Variants in TNFRSF19 observed in about 807,000 individuals in gnomAD.
TNFRSF19 encodes the protein tumor necrosis factor receptor superfamily member 19.
In TNFRSF19, 27 loss-of-function variants were observed where a neutral mutation model predicts 46.4. The observed-to-expected ratio is 0.58, with a 90% confidence interval of 0.43 to 0.80. The LOEUF (loss-of-function observed/expected upper bound fraction) is 0.80. Ranked by LOEUF, TNFRSF19 falls within the 30% of genes least tolerant of loss-of-function variation. The pLI, the probability that TNFRSF19 is intolerant of heterozygous loss-of-function variation, is 0.00. For missense variants in TNFRSF19, 511 were observed against 530.8 expected (o/e 0.96, Z 0.37); for synonymous variants, 204 against 205.0 (o/e 1.00, Z 0.04).
chr13:23,622,282 G>T (rs1881718058), intron 4 of TNFRSF19, among the ~76,000 whole-genome samples: 1 of 151,640 alleles, frequency 6.6e-6, no homozygotes, highest in African/African-American at 2.4e-5. Context: ...GTAAACGGGT[G>T]CCTGTAATCC....
In TNFRSF19 at chr13:23,668,982, G is replaced by C; in HGVS notation, c.1130G>C (p.Arg377Thr). Residue 377 changes from arginine to threonine, a missense_variant, in exon 9 of 10, where the codon AGA becomes ACA. Coordinates refer to ENST00000248484, the MANE Select transcript of TNFRSF19 (RefSeq NM_148957.4). ...ENFTAATDLS[R>T]YNNTLVESAS... The stretch of plus-strand genomic sequence containing the variant: ...TTTACAGCAGCTACTGATTTATCTA[G>C]ATATAACAACACACTGGTAGAATCA... The C allele has an allele frequency of 6.2e-7, 1 of 1,614,220 alleles. No homozygotes were observed. Among genetic ancestry groups the C allele is most frequent in the East Asian group, 2.2e-5 (1 of 44,886 alleles).
chr13:23,669,034 G>A lies in TNFRSF19; in HGVS notation c.1182G>A (p.Met394Ile). The A allele has an allele frequency of 1.2e-6, 2 of 1,614,152 alleles. No homozygotes were observed. Among genetic ancestry groups the A allele is most frequent in the Non-Finnish European group, 1.7e-6 (2 of 1,180,016 alleles). The stretch of plus-strand genomic sequence containing the variant: ...CATCAACTCAGGATGCACTAACTAT[G>A]AGAAGCCAGCTAGATCAGGAGAGTG... ...ESASTQDALT[M>I]RSQLDQESGA... The change falls in exon 9 of 10, where the codon ATG (methionine) becomes ATA (isoleucine). Residue 394 changes from methionine (M) to isoleucine (I), a missense_variant. Physicochemically the swap from Met to Ile is conservative, Grantham distance 10 (BLOSUM62 1). Around this residue, in one of 3 missense-constraint regions of TNFRSF19, gnomAD observed 376 missense variants for 372.7 expected, o/e 1.01. Transcript: ENST00000248484.
chr13:23,633,086 A>T (rs917828243), intron 5 of TNFRSF19, among the ~76,000 whole-genome samples: 5 of 148,330 alleles, frequency 3.4e-5, no homozygotes, highest in Admixed American at 2.0e-4. Flanking sequence ...GGGTGCAGGG[A>T]TGATCAAATT....
rs138422959 is a variant in TNFRSF19, at chr13:23,597,640, G to A, written c.180+4185G>A. Among the ~76,000 whole-genome samples, 1,271 of 152,212 alleles carry A rather than the reference G, an allele frequency of 8.4e-3. 26 individuals are homozygous for A. The highest frequency in any genetic ancestry group is 0.076 in the East Asian group (396 of 5,180). ...AACCAAAAAAAGCTCAGGACCAGATGGATTCACAGCCGAATTCTACCAGAG... is the reference window on the plus strand; with the variant it reads ...AACCAAAAAAAGCTCAGGACCAGATAGATTCACAGCCGAATTCTACCAGAG... On this transcript the variant is annotated intron_variant, in intron 3 of 9. Transcript: ENST00000248484.
chr13:23,592,671 A>G (rs1454727708), intron 2 of TNFRSF19, among the ~76,000 whole-genome samples: 1 of 152,218 alleles, frequency 6.6e-6, no homozygotes, highest in Non-Finnish European at 1.5e-5. Flanking sequence ...CACTACTGCC[A>G]TCTTTATCAT....
chr13:23,604,201 A>G (rs572125100), intron 3 of TNFRSF19, among the ~76,000 whole-genome samples: 6 of 152,070 alleles, frequency 3.9e-5, no homozygotes, highest in Non-Finnish European at 8.8e-5. Flanking sequence ...ACTTTCATAT[A>G]TACTGTCAGT....
chr13:23,666,277 C>T lies in TNFRSF19; in HGVS notation c.737-1703C>T, dbSNP rs545807370. The stretch of plus-strand genomic sequence containing the variant: ...TCCTGTCACACCCCAAACTTTCACC[C>T]TGTAGCTTAGCGTGCTCTGATGATT... On this transcript the variant is annotated intron_variant, in intron 7 of 9. Coordinates refer to ENST00000248484, the MANE Select transcript of TNFRSF19 (RefSeq NM_148957.4). 5.9e-5 allele frequency among the ~76,000 whole-genome samples: 9 copies of T among 152,330 alleles called. No homozygotes were observed. In the South Asian group the frequency reaches 1.4e-3, roughly 25 times the overall value.
chr13:23,628,911 A>G (rs529896324), intron 5 of TNFRSF19, among the ~76,000 whole-genome samples: 3 of 152,348 alleles, frequency 2.0e-5, no homozygotes, highest in Admixed American at 6.5e-5. Flanking sequence ...AAAGCAAGAC[A>G]GGCTGGTAGT....
chr13:23,638,026 T>A (rs902553705), intron 5 of TNFRSF19, among the ~76,000 whole-genome samples: 22 of 152,182 alleles, frequency 1.4e-4, no homozygotes, highest in Non-Finnish European at 2.1e-4. Context: ...TGAAGCACAC[T>A]ATTTTTGAGC....
intron 9 of TNFRSF19, among the ~76,000 whole-genome samples, chr13:23,671,991 T>C (rs1259113145): frequency 6.6e-6 from 1 of 152,338 alleles, no homozygotes; most frequent in South Asian, 2.1e-4. Context: ...GGCTCGTTCA[T>C]AGCTCAGGAA....
At chr13:23,669,315 T>G in intron 9 of TNFRSF19, 1 of 1,374,202 alleles carries the variant, frequency 7.3e-7, no homozygotes, top group Non-Finnish European at 9.3e-7. Context: ...AGCTGCATTC[T>G]TTTATTCCTC....
rs1021272283 is a variant in TNFRSF19, at chr13:23,674,092, A to G, written c.*712A>G. The G allele has an allele frequency of 6.6e-6, 1 of 152,178 alleles. No individual in the cohort carries two copies. Among genetic ancestry groups the G allele is most frequent in the Non-Finnish European group, 1.5e-5 (1 of 68,034 alleles). 9.4% of individuals were successfully genotyped at this position (152,178 alleles called of 1,614,324 possible). ...CTCAGGAGAACACCTGGGCTAGGGA[A>G]TGTGGTCGAGAAAGGGCAGCCCATT... On this transcript the variant is annotated 3_prime_UTR_variant, in exon 10 of 10. Coordinates refer to ENST00000248484, the MANE Select transcript of TNFRSF19 (RefSeq NM_148957.4).
At chr13:23,670,094 CAG>C (rs2138420958) in intron 9 of TNFRSF19, among the ~76,000 whole-genome samples, 1 of 152,322 alleles carries the variant, frequency 6.6e-6, no homozygotes, top group East Asian at 1.9e-4. Context: ...CTGATTATAT[CAG>C]AGACTTAGTG....
intron 3 of TNFRSF19, among the ~76,000 whole-genome samples, chr13:23,606,842 T>C (rs1880545332): frequency 6.6e-6 from 1 of 151,820 alleles, no homozygotes; most frequent in Non-Finnish European, 1.5e-5. Context: ...TTGAGCTTTT[T>C]ATAAGCAGTT....
chr13:23,586,169 A>C (rs1878814724), intron 1 of TNFRSF19, among the ~76,000 whole-genome samples: 1 of 144,992 alleles, frequency 6.9e-6, no homozygotes, highest in South Asian at 2.1e-4. Context: ...GAGGTAGGAG[A>C]ATGGTGTGAA....
At chr13:23,608,185 G>T (rs1880644060) in intron 3 of TNFRSF19, among the ~76,000 whole-genome samples, 1 of 152,160 alleles carries the variant, frequency 6.6e-6, no homozygotes, top group African/African-American at 2.4e-5. Flanking sequence ...TGCTGACTTA[G>T]ATTGATGATA....
At chr13:23,670,125 G>A (rs879597741) in intron 9 of TNFRSF19, among the ~76,000 whole-genome samples, 1 of 152,192 alleles carries the variant, frequency 6.6e-6, no homozygotes, top group African/African-American at 2.4e-5. Flanking sequence ...AAGTGTGAAC[G>A]CTGATATGTT....
At chr13:23,656,645 CAT>C (rs1403642648) in intron 5 of TNFRSF19, among the ~76,000 whole-genome samples, 1 of 152,128 alleles carries the variant, frequency 6.6e-6, no homozygotes, top group Non-Finnish European at 1.5e-5. Flanking sequence ...GCCAAAACCC[CAT>C]ATTGTGTAGG....
intron 1 of TNFRSF19, among the ~76,000 whole-genome samples, chr13:23,577,339 GAGA>G (rs759585766): frequency 4.5e-4 from 69 of 152,252 alleles, no homozygotes; most frequent in Admixed American, 4.3e-3. Context: ...GGAGGTCAGA[GAGA>G]AGAAGAACAT....
Sources: gnomAD v4.1 joint callset for allele counts (sites outside exome capture counted in the v4.1 genomes callset) on GRCh38, gnomAD v4.1.1 for gene constraint, gnomAD v4.1.1 regional missense constraint, MANE v1.5 for transcripts, NCBI Gene and HGNC (gene_info 2026-07-23, HGNC 2026-07-21) for gene names.